Variants in ADGRV1 observed in about 807,000 individuals in gnomAD.
The protein encoded by ADGRV1 is G-protein coupled receptor 98.
Under a neutral mutation model 596.2 loss-of-function variants are expected in ADGRV1, and 359 were observed. That is an observed-to-expected ratio of 0.60 (90% CI 0.55 to 0.66). The LOEUF (loss-of-function observed/expected upper bound fraction) is 0.66. Ranked by LOEUF, ADGRV1 falls within the 30% of genes least tolerant of loss-of-function variation. ADGRV1 has a pLI of 0.00. For synonymous variants in ADGRV1, 2,681 were observed against 2,679.2 expected, an observed-to-expected ratio of 1.00 and a Z score of -0.02; for missense variants, 7,274 against 7,575.6, an observed-to-expected ratio of 0.96 and a Z score of 1.48.
At position 90,565,073 on chromosome 5, in the gene ADGRV1, A is replaced by G. The variant is rs1020916514; in HGVS notation, c.22+6156A>G. ...AACATGGTGAAACCCTGTCTATACT[A>G]AAAATCCAAAAAAATTAGCTGGGCG... On this transcript the variant is annotated intron_variant, in intron 1 of 89. Transcript: ENST00000405460. Among the ~76,000 whole-genome samples, 7 of 152,086 alleles carry G rather than the reference A, an allele frequency of 4.6e-5. No individual in the cohort carries two copies. In the South Asian group the frequency reaches 6.2e-4, roughly 14 times the overall value.
chr5:90,598,719 C>T (rs1240202151), intron 1 of ADGRV1, among the ~76,000 whole-genome samples: 1 of 152,108 alleles, frequency 6.6e-6, no homozygotes, highest in Non-Finnish European at 1.5e-5. Flanking sequence ...AGGGGAGCTC[C>T]AAGAGGTAAA....
rs1253230524 is a variant in ADGRV1, at chr5:90,627,445, A to G, written c.907A>G (p.Ile303Val). 1.9e-6 allele frequency: 3 copies of G among 1,613,984 alleles called. No homozygotes were observed. Residue 303 changes from isoleucine (I) to valine (V), a missense_variant, in exon 7 of 90, where the codon ATC (isoleucine) becomes GTC (valine). By Grantham distance (29) the Ile-to-Val change is conservative (BLOSUM62 3). Coordinates refer to ENST00000405460, the MANE Select transcript of ADGRV1 (RefSeq NM_032119.4). The stretch of plus-strand genomic sequence containing the variant: ...TGGATCTGATGAATATGAGGTTTCA[A>G]TCAGTTATGCTGTCACAACTGGGAA... ...LIGSDEYEVS[I>V]SYAVTTGNST... is the part of the protein sequence containing the mutation.
intron 52 of ADGRV1, among the ~76,000 whole-genome samples, chr5:90,747,271 A>G (rs765720253): frequency 9.9e-5 from 15 of 152,242 alleles, no homozygotes; most frequent in South Asian, 8.3e-4. Flanking sequence ...CAAGGAGGCC[A>G]CTGTGGCTGA....
At chr5:91,010,317 A>G (rs1401132580) in intron 85 of ADGRV1, among the ~76,000 whole-genome samples, 4 of 152,128 alleles carry the variant, frequency 2.6e-5, no homozygotes, top group East Asian at 1.9e-4. Flanking sequence ...GCACACATCT[A>G]TCCATCTTCT....
At chr5:90,670,044 A>G (rs1161947100) in intron 21 of ADGRV1, among the ~76,000 whole-genome samples, 2 of 152,234 alleles carry the variant, frequency 1.3e-5, no homozygotes, top group Admixed American at 6.5e-5. Context: ...TATCATTTAT[A>G]TATTGATAAC....
chr5:90,962,255 A>G (rs1581642378), intron 83 of ADGRV1, among the ~76,000 whole-genome samples: 1 of 152,246 alleles, frequency 6.6e-6, no homozygotes, highest in African/African-American at 2.4e-5. Context: ...GGTATACAGC[A>G]GTTTTCTGTA....
intron 78 of ADGRV1, among the ~76,000 whole-genome samples, chr5:90,843,966 G>A (rs1324412522): frequency 1.3e-5 from 2 of 152,018 alleles, no homozygotes; most frequent in Non-Finnish European, 2.9e-5. Flanking sequence ...AAGATAAGGT[G>A]GCAAAATTTA....
chr5:90,728,156 G>T (rs1178028337), intron 48 of ADGRV1, among the ~76,000 whole-genome samples: 5 of 152,126 alleles, frequency 3.3e-5, no homozygotes, highest in African/African-American at 1.2e-4. Context: ...TTCAGGTAGG[G>T]TCTGAATTTT....
chr5:90,712,294 A>AT lies in ADGRV1; in HGVS notation c.9054dup (p.Ala3019CysfsTer2), dbSNP rs1412902412. On this transcript the variant is annotated frameshift_variant, in exon 42 of 90. Coordinates refer to ENST00000405460, the MANE Select transcript of ADGRV1 (RefSeq NM_032119.4). LOFTEE classifies it high-confidence loss of function. Reference sequence around the variant, plus strand: ...TTTTACCTTTTTGACCAGATTCTTCATTTTGCTGATGGAGAAAGGTATAAA... The same window carrying AT: ...TTTTACCTTTTTGACCAGATTCTTCATTTTTGCTGATGGAGAAAGGTATAAA... 2 of 1,531,270 alleles carry AT rather than the reference A, an allele frequency of 1.3e-6. No homozygotes were observed. Among genetic ancestry groups the AT allele is most frequent in the Non-Finnish European group, 1.8e-6 (2 of 1,133,290 alleles). The allele number at this position is 1,531,270 out of a possible 1,614,324, so 94.9% of individuals were successfully genotyped here. A position where few individuals can be genotyped will look rare whatever the true frequency, so the allele number is the denominator to read the frequency against.
intron 85 of ADGRV1, among the ~76,000 whole-genome samples, chr5:91,064,371 T>C (rs1787702102): frequency 3.3e-5 from 5 of 152,240 alleles, no homozygotes; most frequent in Admixed American, 3.3e-4. Context: ...ATTTAGGTGT[T>C]ATTTTCCCCA....
intron 50 of ADGRV1, among the ~76,000 whole-genome samples, chr5:90,741,182 C>G (rs1193888631): frequency 6.6e-6 from 1 of 152,158 alleles, no homozygotes; most frequent in Non-Finnish European, 1.5e-5. Context: ...ACCACATTCT[C>G]CCAGTCCCCA....
rs375271643 is a variant in ADGRV1 at position 90,728,799 on chromosome 5, A to G, written c.10292A>G (p.Asn3431Ser). ...ATTTCCCAGGCTAATGCCAGGCTAA[A>G]CTCCCTTTTATTCAGATGGTCTGGC... ...LAISQANARL[N>S]SLLFRWSGSG... The change falls in exon 49 of 90, where the codon AAC (asparagine) becomes AGC (serine). Residue 3431 changes from asparagine to serine, a missense_variant. Around this residue, in one of 5 missense-constraint regions of ADGRV1, gnomAD observed 3,643 missense variants for 3,809.2 expected, o/e 0.96. Coordinates refer to ENST00000405460, the MANE Select transcript of ADGRV1 (RefSeq NM_032119.4). The G allele has an allele frequency of 2.5e-6, 4 of 1,613,746 alleles. No individual in the cohort carries two copies. Among genetic ancestry groups the G allele is most frequent in the Non-Finnish European group, 3.4e-6 (4 of 1,179,852 alleles).
rs376185307 is a variant in ADGRV1 at position 91,068,208 on chromosome 5, G to A, written c.18153-4239G>A. Among the ~76,000 whole-genome samples, 51 of 152,166 alleles carry A rather than the reference G, an allele frequency of 3.4e-4. No individual in the cohort carries two copies. In the South Asian group the frequency reaches 6.4e-3, roughly 19 times the overall value. On this transcript the variant is annotated intron_variant, in intron 85 of 89. Coordinates refer to ENST00000405460, the MANE Select transcript of ADGRV1 (RefSeq NM_032119.4). ...GCAGTGGCTCACGCCTATAAACCCA[G>A]CACTTTGGGAGGCCAGGGCAGGTGG...
intron 87 of ADGRV1, among the ~76,000 whole-genome samples, chr5:91,118,022 A>G (rs1793003324): frequency 6.6e-6 from 1 of 152,182 alleles, no homozygotes; most frequent in South Asian, 2.1e-4. Flanking sequence ...TGTTATTTGT[A>G]ATTATTCTTA....
chr5:90,768,464 C>T (rs565309673), intron 59 of ADGRV1, among the ~76,000 whole-genome samples: 2 of 152,272 alleles, frequency 1.3e-5, no homozygotes, highest in Admixed American at 1.3e-4. Flanking sequence ...CTCATAGCAA[C>T]TTAGTATTCA....
intron 85 of ADGRV1, among the ~76,000 whole-genome samples, chr5:91,042,966 A>G (rs967242588): frequency 1.3e-5 from 2 of 152,026 alleles, no homozygotes; most frequent in Non-Finnish European, 2.9e-5. Context: ...CAAACAAGCT[A>G]TATTTCGAGC....
chr5:91,009,731 C>T (rs1408680839), intron 85 of ADGRV1, among the ~76,000 whole-genome samples: 1 of 151,736 alleles, frequency 6.6e-6, no homozygotes, highest in Non-Finnish European at 1.5e-5. Context: ...TGTCATGAAC[C>T]AAAGTTATAT....
At chr5:90,830,384 T>C (rs1764423095) in intron 77 of ADGRV1, among the ~76,000 whole-genome samples, 2 of 152,200 alleles carry the variant, frequency 1.3e-5, no homozygotes, top group Non-Finnish European at 2.9e-5. Context: ...TATAGAAGTC[T>C]GTTTCATTCT....
chr5:90,813,278 C>T (rs972582374), intron 74 of ADGRV1, among the ~76,000 whole-genome samples: 1 of 150,304 alleles, frequency 6.7e-6, no homozygotes, highest in African/African-American at 2.4e-5. Flanking sequence ...ATTAGTTTGG[C>T]ACTGGCCAGG....
Sources: allele counts gnomAD v4.1 joint callset (sites outside exome capture counted in the v4.1 genomes callset), GRCh38; gene constraint gnomAD v4.1.1; regional missense constraint gnomAD v4.1.1; transcripts MANE v1.5; gene names NCBI Gene and HGNC (gene_info 2026-07-23, HGNC 2026-07-21).